Variants in PRR11 observed in about 807,000 individuals in gnomAD.
PRR11 encodes proline rich 11.
PRR11 carries 30 observed loss-of-function variants against 45.6 expected under a neutral mutation model. That is an observed-to-expected ratio of 0.66 (90% CI 0.49 to 0.89). The LOEUF (loss-of-function observed/expected upper bound fraction) is 0.89. Ranked by LOEUF, PRR11 falls within the 40% of genes least tolerant of loss-of-function variation. The probability of loss-of-function intolerance (pLI) is 0.00; values close to 1 mark genes in which losing one functional copy is unlikely to be tolerated. For synonymous variants in PRR11, 128 were observed against 153.5 expected (o/e 0.83, Z 1.23); for missense variants, 373 against 424.8 (o/e 0.88, Z 1.07).
intron 1 of PRR11, among the ~76,000 whole-genome samples, chr17:59,157,665 G>A (rs2046632589): frequency 6.6e-6 from 1 of 151,748 alleles, no homozygotes; most frequent in Admixed American, 6.6e-5. Flanking sequence ...TCACACCACT[G>A]CACTCCAGCC....
At position 59,204,148 on chromosome 17, in the gene PRR11, C is replaced by T. The variant is rs1484116966; in HGVS notation, c.*2517C>T. ...ATGGCTCACGCCTGTAATCCCAGGA[C>T]TTTAGGAGGCCAAGGCAGGTGGATG... On this transcript the variant is annotated 3_prime_UTR_variant, in exon 10 of 10. Coordinates refer to ENST00000262293, the MANE Select transcript of PRR11 (RefSeq NM_018304.4). The T allele has an allele frequency of 6.6e-6, 1 of 151,840 alleles. No individual in the cohort carries two copies. The highest frequency in any genetic ancestry group is 1.5e-5 in the Non-Finnish European group (1 of 68,012). The allele number at this position is 151,840 out of a possible 1,614,324, so 9.4% of individuals were successfully genotyped here.
intron 2 of PRR11, among the ~76,000 whole-genome samples, chr17:59,173,358 C>T (rs571937447): frequency 6.6e-5 from 10 of 152,128 alleles, no homozygotes; most frequent in Admixed American, 2.0e-4. Context: ...GCCACTTTCA[C>T]GCTGTGGAAG....
At chr17:59,162,726 C>CTTTT (rs34124387) in intron 1 of PRR11, among the ~76,000 whole-genome samples, 9 of 117,342 alleles carry the variant, frequency 7.7e-5, no homozygotes, top group Non-Finnish European at 1.0e-4. Flanking sequence ...CTTTCTCTCC[C>CTTTT]TTTTTTTTTT....
chr17:59,174,507 A>C (rs1166476246), intron 2 of PRR11, among the ~76,000 whole-genome samples: 1 of 152,018 alleles, frequency 6.6e-6, no homozygotes, highest in Admixed American at 6.6e-5. Flanking sequence ...TCAGGGTCTC[A>C]CTCTGTTGCT....
chr17:59,175,166 C>T (rs1349850664), intron 2 of PRR11: 2 of 516,304 alleles, frequency 3.9e-6, no homozygotes, highest in Admixed American at 2.7e-5. Flanking sequence ...GGGACACCAC[C>T]AGGAGAGACC....
At chr17:59,184,720 A>G (rs1369233547) in intron 2 of PRR11, among the ~76,000 whole-genome samples, 1 of 152,144 alleles carries the variant, frequency 6.6e-6, no homozygotes, top group African/African-American at 2.4e-5. Flanking sequence ...AGGCTTTCAT[A>G]TATTAGAAGA....
chr17:59,188,407 G>A (rs907619045), intron 4 of PRR11, among the ~76,000 whole-genome samples: 2 of 152,116 alleles, frequency 1.3e-5, no homozygotes, highest in African/African-American at 4.8e-5. Flanking sequence ...ATCTTTTGAT[G>A]CAACCAAATT....
intron 7 of PRR11, among the ~76,000 whole-genome samples, chr17:59,196,992 G>T (rs1469606325): frequency 2.0e-5 from 3 of 151,714 alleles, no homozygotes; most frequent in Admixed American, 6.6e-5. Flanking sequence ...GGGATTACAG[G>T]CACCCGCCAC....
rs560822570 is a variant in PRR11 at position 59,187,224 on chromosome 17, A to C, written c.402+1662A>C. On this transcript the variant is annotated intron_variant, in intron 4 of 9. Coordinates refer to ENST00000262293, the MANE Select transcript of PRR11 (RefSeq NM_018304.4). The stretch of plus-strand genomic sequence containing the variant: ...ACTGTCTCAAAAATAAAATAAAATA[A>C]AAATAAAATAAAATAAAATAAATAA... 2.6e-5 allele frequency among the ~76,000 whole-genome samples: 4 copies of C among 151,964 alleles called. No individual in the cohort carries two copies. The East Asian group carries it at 7.7e-4, about 29-fold the overall frequency.
chr17:59,181,643 C>T, intron 2 of PRR11: 2 of 1,509,628 alleles, frequency 1.3e-6, no homozygotes, highest in South Asian at 1.1e-5. Context: ...GGGGCGAGCT[C>T]CTTCTCTGGC....
At chr17:59,178,823 T>G (rs763552687) in intron 2 of PRR11, among the ~76,000 whole-genome samples, 1 of 151,766 alleles carries the variant, frequency 6.6e-6, no homozygotes, top group Non-Finnish European at 1.5e-5. Flanking sequence ...CACTGCAGAG[T>G]CATAAAGGAA....
chr17:59,175,395 C>A (rs2046738598), intron 2 of PRR11, among the ~76,000 whole-genome samples: 1 of 152,206 alleles, frequency 6.6e-6, no homozygotes, highest in African/African-American at 2.4e-5. Context: ...GAGGCTGAGG[C>A]AGGAGGATCA....
At chr17:59,187,119 G>A (rs2046817649) in intron 4 of PRR11, among the ~76,000 whole-genome samples, 1 of 152,184 alleles carries the variant, frequency 6.6e-6, no homozygotes, top group Non-Finnish European at 1.5e-5. Flanking sequence ...GAGATCAGGA[G>A]AATCACTTGA....
intron 4 of PRR11, among the ~76,000 whole-genome samples, chr17:59,191,815 CATTGGTCTGGA>C: frequency 6.6e-6 from 1 of 152,256 alleles, no homozygotes. Context: ...ACATTGTGCT[CATTGGTCTGGA>C]GAGAAGCTTC....
chr17:59,175,975 A>G (rs149309788), intron 2 of PRR11, among the ~76,000 whole-genome samples: 2 of 152,320 alleles, frequency 1.3e-5, no homozygotes, highest in African/African-American at 4.8e-5. Flanking sequence ...ATCTAGTCTA[A>G]TGGGACTGGG....
chr17:59,191,934 C>G (rs2046842281), intron 4 of PRR11, among the ~76,000 whole-genome samples: 1 of 152,170 alleles, frequency 6.6e-6, no homozygotes, highest in South Asian at 2.1e-4. Flanking sequence ...TCAGTTTCCT[C>G]CTCTATAAAT....
intron 7 of PRR11, among the ~76,000 whole-genome samples, chr17:59,197,049 A>G (rs2046869553): frequency 6.6e-6 from 1 of 150,716 alleles, no homozygotes; most frequent in African/African-American, 2.4e-5. Flanking sequence ...GGGTTTCACC[A>G]TCTTGGCCAG....
At chr17:59,160,783 G>C (rs2046647268) in intron 1 of PRR11, 1 of 152,098 alleles carries the variant, frequency 6.6e-6, no homozygotes, top group South Asian at 2.1e-4. Flanking sequence ...TTCCAGGCTG[G>C]AGTACAGTGG....
At chr17:59,200,814 G>A (rs925213924) in intron 9 of PRR11, among the ~76,000 whole-genome samples, 46 of 150,982 alleles carry the variant, frequency 3.0e-4, no homozygotes, top group Non-Finnish European at 2.9e-4. Flanking sequence ...ATTTATAGAC[G>A]AAGTCTCACT....
Sources: gnomAD v4.1 joint callset for allele counts (sites outside exome capture counted in the v4.1 genomes callset) on GRCh38, gnomAD v4.1.1 for gene constraint, MANE v1.5 for transcripts, NCBI Gene and HGNC (gene_info 2026-07-23, HGNC 2026-07-21) for gene names.